Variants in MALRD1 observed in about 807,000 individuals in gnomAD.
The protein encoded by MALRD1 is MAM and LDL-receptor class A domain-containing protein 1.
A neutral mutation model predicts 242.1 loss-of-function variants in MALRD1; 247 were observed. The observed-to-expected ratio is 1.02, with a 90% CI of 0.92 to 1.13. The LOEUF (loss-of-function observed/expected upper bound fraction) is 1.13. Among genes scored for constraint, MALRD1 ranks in the 50% most tolerant of loss-of-function variants. MALRD1 has a pLI of 0.00. For synonymous variants in MALRD1, 995 were observed against 866.6 expected (o/e 1.15, Z -2.60); for missense variants, 2,989 against 2,533.1 (o/e 1.18, Z -3.86).
intron 35 of MALRD1, among the ~76,000 whole-genome samples, chr10:19,609,948 G>A (rs537619929): frequency 6.6e-6 from 1 of 151,022 alleles, no homozygotes; most frequent in South Asian, 2.1e-4. Flanking sequence ...TATTGATAAT[G>A]GTGGTGATTA....
chr10:19,696,353 A>G (rs1833377592), intron 38 of MALRD1, among the ~76,000 whole-genome samples: 1 of 152,184 alleles, frequency 6.6e-6, no homozygotes, highest in African/African-American at 2.4e-5. Flanking sequence ...TTAGAAATTA[A>G]AGATATACAT....
In MALRD1 at chr10:19,496,853, G is replaced by A. The variant is rs536981894; in HGVS notation, c.5159-1632G>A. 1.9e-3 allele frequency among the ~76,000 whole-genome samples: 285 copies of A among 152,316 alleles called. 1 individual carries two copies. Among genetic ancestry groups the A allele is most frequent in the African/African-American group, 6.5e-3 (271 of 41,578 alleles). On this transcript the variant is annotated intron_variant, in intron 30 of 39. Coordinates refer to ENST00000454679, the MANE Select transcript of MALRD1 (RefSeq NM_001142308.3). ...GTGAAATTGAAGGACGTGGAAAAATGTGTAACTTTGCAGAAAATGAAGCTG... is the reference window on the plus strand; with the variant it reads ...GTGAAATTGAAGGACGTGGAAAAATATGTAACTTTGCAGAAAATGAAGCTG...
chr10:19,532,546 GC>G (rs554937232), intron 32 of MALRD1, among the ~76,000 whole-genome samples: 476 of 152,112 alleles, frequency 3.1e-3, no homozygotes, highest in African/African-American at 0.011. Flanking sequence ...GAGCCACCAT[GC>G]CCCCCTTCTC....
At chr10:19,216,955 AAAAT>A (rs1427483506) in intron 18 of MALRD1, among the ~76,000 whole-genome samples, 18 of 33,852 alleles carry the variant, frequency 5.3e-4, no homozygotes, top group South Asian at 3.0e-3. Context: ...CAAAAAAAAA[AAAAT>A]AAAAATAAAA....
chr10:19,312,848 GA>G (rs369454333), intron 21 of MALRD1, among the ~76,000 whole-genome samples: 14 of 151,568 alleles, frequency 9.2e-5, no homozygotes, highest in East Asian at 7.8e-4. Context: ...TACTGCAGGT[GA>G]ATTAGTGTTA....
intron 38 of MALRD1, among the ~76,000 whole-genome samples, chr10:19,704,958 G>A (rs1210798285): frequency 1.3e-5 from 2 of 152,096 alleles, no homozygotes; most frequent in African/African-American, 4.8e-5. Context: ...ACTAGCTACA[G>A]CAACATGACA....
chr10:19,214,874 T>C (rs569490064), intron 18 of MALRD1, among the ~76,000 whole-genome samples: 11 of 152,258 alleles, frequency 7.2e-5, no homozygotes, highest in East Asian at 1.9e-4. Context: ...AGCAGAAACA[T>C]TGTGGTGTTA....
intron 21 of MALRD1, 94 bp from the exon 22 acceptor site, chr10:19,323,855 C>T (rs1843002480): frequency 4.3e-6 from 5 of 1,174,134 alleles, no homozygotes; most frequent in South Asian, 1.5e-5. Context: ...AGGTGATCCA[C>T]CTGCCTCAGC....
chr10:19,609,605 A>G (rs961790696), intron 35 of MALRD1, among the ~76,000 whole-genome samples: 2 of 152,094 alleles, frequency 1.3e-5, no homozygotes, highest in Non-Finnish European at 2.9e-5. Flanking sequence ...GGTTTAAGTC[A>G]TAAACAAGAA....
intron 38 of MALRD1, among the ~76,000 whole-genome samples, chr10:19,706,970 T>G (rs548830306): frequency 5.3e-5 from 8 of 151,992 alleles, no homozygotes; most frequent in African/African-American, 1.9e-4. Context: ...CCAGTAACCC[T>G]TCCTCCTCCT....
chr10:19,088,332 T>G, intron 4 of MALRD1, 147 bp downstream of exon 4: 1 of 684,830 alleles, frequency 1.5e-6, no homozygotes, highest in East Asian at 3.4e-5. Context: ...AAAGTGGACA[T>G]CTCAGGCAAT....
intron 1 of MALRD1, chr10:19,051,333 T>C (rs1333050935): frequency 6.6e-6 from 1 of 152,144 alleles, no homozygotes; most frequent in Admixed American, 6.5e-5. Flanking sequence ...GTGTGACATT[T>C]AAAGAAATAG....
chr10:19,343,405 A>G (rs1033025968), intron 24 of MALRD1, among the ~76,000 whole-genome samples: 15 of 151,960 alleles, frequency 9.9e-5, no homozygotes, highest in Admixed American at 1.3e-4. Flanking sequence ...GCATTTCATT[A>G]CATGCATAAA....
chr10:19,639,229 C>T (rs944669952), intron 36 of MALRD1, among the ~76,000 whole-genome samples: 1 of 152,118 alleles, frequency 6.6e-6, no homozygotes, highest in African/African-American at 2.4e-5. Flanking sequence ...ATTATATCAT[C>T]AAGGAAGACT....
rs1424623274 is a variant in MALRD1 at position 19,175,313 on chromosome 10, A to G, written c.1936A>G (p.Ser646Gly). 2 of 1,230,548 alleles carry G rather than the reference A, an allele frequency of 1.6e-6. No individual in the cohort carries two copies. Among genetic ancestry groups the G allele is most frequent in the Non-Finnish European group, 2.0e-6 (2 of 987,236 alleles). 76.2% of individuals were successfully genotyped at this position (1,230,548 alleles called of 1,614,324 possible). ...EISYKSLPRTSTQSKFSKCDF... is the reference protein window; with the variant it reads ...EISYKSLPRTGTQSKFSKCDF... Reference sequence around the variant, plus strand: ...TTCCTATAAATCACTACCAAGGACCAGTACACAAAGCAAGTGTAAGTTTTT... The same window carrying G: ...TTCCTATAAATCACTACCAAGGACCGGTACACAAAGCAAGTGTAAGTTTTT... Residue 646 changes from serine (S) to glycine (G), a missense_variant, in exon 14 of 40, where the codon AGT becomes GGT. Ser to Gly is a moderately conservative substitution (Grantham distance 56). Coordinates refer to ENST00000454679, the MANE Select transcript of MALRD1 (RefSeq NM_001142308.3).
In MALRD1 at chr10:19,513,354, C is replaced by T. The variant is rs558395390; in HGVS notation, c.5320+14708C>T. ...TTTCATGACCATAAGCTTCCTGAGG[C>T]CTCACCAGAAGCCAAGCAGATACTG... On this transcript the variant is annotated intron_variant, in intron 31 of 39. Transcript: ENST00000454679. Among the ~76,000 whole-genome samples, 4 of 152,228 alleles carry T rather than the reference C, an allele frequency of 2.6e-5. No individual in the cohort carries two copies. The South Asian group carries it at 8.3e-4, about 32-fold the overall frequency.
intron 36 of MALRD1, among the ~76,000 whole-genome samples, chr10:19,644,970 G>T (rs1840581397): frequency 1.3e-5 from 2 of 152,042 alleles, no homozygotes; most frequent in Admixed American, 6.6e-5. Context: ...ATATTGTTTT[G>T]ATAATAGAAT....
rs143752272 is a variant in MALRD1, at chr10:19,726,478, G to T, written c.6315-4228G>T. 3.8e-3 allele frequency among the ~76,000 whole-genome samples: 571 copies of T among 152,228 alleles called. 3 individuals carry two copies. The highest frequency in any genetic ancestry group is 6.5e-3 in the Non-Finnish European group (440 of 67,990). The stretch of plus-strand genomic sequence containing the variant: ...GTGTTGATGAGGATGAGGAGAAATA[G>T]AAACCCTCACACATTGTTGGTGGGA... On this transcript the variant is annotated intron_variant, in intron 38 of 39. Transcript: ENST00000454679.
Position 19,323,957 on chromosome 10 carries a change from C to A in MALRD1, c.3428C>A (p.Thr1143Asn). The change falls in exon 22 of 40, where the codon ACT (threonine) becomes AAT (asparagine). Residue 1143 changes from threonine (T) to asparagine (N), a missense_variant. Thr to Asn is a moderately conservative substitution (Grantham distance 65). Transcript: ENST00000454679. ...RPSVDHTQNTTDGWYLYADSS... is the reference protein window; with the variant it reads ...RPSVDHTQNTNDGWYLYADSS... ...ATAAATTCCTTTTCCAGAAATACCA[C>A]TGATGGCTGGTACCTGTATGCTGAC... 1 of 1,550,648 alleles carries A rather than the reference C, an allele frequency of 6.4e-7. No homozygotes were observed. Among genetic ancestry groups the A allele is most frequent in the African/African-American group, 1.4e-5 (1 of 73,142 alleles).
Sources: gnomAD v4.1 joint callset for allele counts (sites outside exome capture counted in the v4.1 genomes callset) on GRCh38, gnomAD v4.1.1 for gene constraint, MANE v1.5 for transcripts, NCBI Gene and HGNC (gene_info 2026-07-23, HGNC 2026-07-21) for gene names.